Variants in ATP1A1 observed in about 807,000 individuals in gnomAD.
The protein encoded by ATP1A1 is sodium/potassium-transporting ATPase subunit alpha-1.
ATP1A1 carries 14 observed loss-of-function variants against 114.8 expected under a neutral mutation model. The ratio of observed to expected loss-of-function variants is 0.12; its 90% CI spans 0.08 to 0.19. ATP1A1 has a LOEUF of 0.19. ATP1A1 is among the 10% of genes least tolerant of loss of function. The pLI, the probability that ATP1A1 is intolerant of heterozygous loss-of-function variation, is 1.00. For missense variants in ATP1A1, 524 were observed against 1,290.7 expected, an observed-to-expected ratio of 0.41 and a Z score of 9.10; for synonymous variants, 471 against 466.3, an observed-to-expected ratio of 1.01 and a Z score of -0.13.
chr1:116,373,743 C>T, intron 1 of ATP1A1: 4 of 843,744 alleles, frequency 4.7e-6, no homozygotes, highest in South Asian at 3.7e-5. Flanking sequence ...GGGGCTGGAG[C>T]GCGGCATTGC....
At position 116,393,071 on chromosome 1, in the gene ATP1A1, T is replaced by C; in HGVS notation, c.1467+83T>C. The C allele has an allele frequency of 6.4e-7, 1 of 1,555,310 alleles. No individual in the cohort carries two copies. The highest frequency in any genetic ancestry group is 8.7e-7 in the Non-Finnish European group (1 of 1,148,980). On this transcript the variant is annotated intron_variant, in intron 11 of 22. Coordinates refer to ENST00000295598, the MANE Select transcript of ATP1A1 (RefSeq NM_000701.8). This position sits in a 1 kb window ranked among gnomAD's most constrained non-coding sequence, Gnocchi z 5.0. ...GGTACATGAGCAGGAAGAGGAAATA[T>C]TCTCCCTTTGGAGTTTTATAAGCTT...
At chr1:116,373,973 C>G in intron 1 of ATP1A1, 1 of 1,379,944 alleles carries the variant, frequency 7.2e-7, no homozygotes, top group East Asian at 2.8e-5. Flanking sequence ...CCCTCCGTGC[C>G]CTGAGGAAAG....
chr1:116,384,789 C>A lies in ATP1A1; in HGVS notation c.130C>A (p.His44Asn). Residue 44 changes from histidine to asparagine, a missense_variant, in exon 3 of 23, where the codon CAT becomes AAT. By Grantham distance (68) the His-to-Asn change is moderately conservative (BLOSUM62 1). Transcript: ENST00000295598. This position sits in a 1 kb window ranked among gnomAD's most constrained non-coding sequence, Gnocchi z 5.1. ...ELKKEVSMDD[H>N]KLSLDELHRK... ...TGTTTCTGTTTTCCCTTAGGATGATCATAAACTTAGCCTTGATGAACTTCA... is the reference window on the plus strand; with the variant it reads ...TGTTTCTGTTTTCCCTTAGGATGATAATAAACTTAGCCTTGATGAACTTCA... 1 of 1,612,644 alleles carries A rather than the reference C, an allele frequency of 6.2e-7. No homozygotes were observed. The highest frequency in any genetic ancestry group is 1.1e-5 in the South Asian group (1 of 90,652).
chr1:116,396,454 G>A, intron 13 of ATP1A1, 144 bp from the exon 14 acceptor site: 1 of 1,066,646 alleles, frequency 9.4e-7, no homozygotes, highest in Non-Finnish European at 1.3e-6. Context: ...GCTAATCGAT[G>A]TTTATTAGTT....
At chr1:116,380,750 G>A (rs1282981860) in intron 1 of ATP1A1, among the ~76,000 whole-genome samples, 3 of 152,152 alleles carry the variant, frequency 2.0e-5, no homozygotes, top group African/African-American at 7.2e-5. Context: ...ATCTTCTCAT[G>A]TCTTGGGCAC....
chr1:116,379,257 T>C (rs1315352497), intron 1 of ATP1A1, among the ~76,000 whole-genome samples: 2 of 152,210 alleles, frequency 1.3e-5, no homozygotes, highest in Non-Finnish European at 2.9e-5. Flanking sequence ...TATACTAAAC[T>C]GGGCTCACAA....
intron 1 of ATP1A1, 63 bp from the exon 2 acceptor site, chr1:116,383,951 G>C (rs1651905560): frequency 2.1e-6 from 3 of 1,398,380 alleles, no homozygotes; most frequent in Non-Finnish European, 3.0e-6. Flanking sequence ...CCCTGCTCCA[G>C]AATTTTCAGT....
chr1:116,396,824 T>C (rs1652969131), intron 14 of ATP1A1, 90 bp downstream of exon 14: 1 of 1,423,804 alleles, frequency 7.0e-7, no homozygotes, highest in African/African-American at 1.5e-5. Flanking sequence ...ATGGTTTGCA[T>C]CTAGGCTTGC....
chr1:116,404,143 TCA>T lies in ATP1A1; in HGVS notation c.3043+169_3043+170del, dbSNP rs1653777735. Among the ~76,000 whole-genome samples the T allele has an allele frequency of 6.6e-6, 1 of 152,240 alleles. No individual in the cohort carries two copies. The highest frequency in any genetic ancestry group is 1.9e-4 in the East Asian group (1 of 5,198). On this transcript the variant is annotated intron_variant, in intron 22 of 22. Transcript: ENST00000295598. This position sits in a 1 kb window ranked among gnomAD's most constrained non-coding sequence, Gnocchi z 4.8. ...TAGTCACATCTTCAGAATGTAGATC[TCA>T]GTTACAGTTTGAGGACTGGTCATGT...
At chr1:116,391,422 T>G (rs1652467122) in intron 10 of ATP1A1, among the ~76,000 whole-genome samples, 1 of 152,220 alleles carries the variant, frequency 6.6e-6, no homozygotes, top group Admixed American at 6.5e-5. Context: ...AAGCCCAGCC[T>G]TAGCCTGTGG....
Position 116,389,139 on chromosome 1 carries a change from C to A in ATP1A1, c.754+120C>A. On this transcript the variant is annotated intron_variant, in intron 7 of 22. Transcript: ENST00000295598. The surrounding 1 kb of genome is among the most constrained non-coding windows in gnomAD (Gnocchi z 6.9). The stretch of plus-strand genomic sequence containing the variant: ...TCCATTTCTGAGAACTTGTGTCAAG[C>A]ACAGAGCAGAGGTGTTTTCCTAGCT... 1 of 1,061,088 alleles carries A rather than the reference C, an allele frequency of 9.4e-7. No homozygotes were observed. The highest frequency in any genetic ancestry group is 1.4e-6 in the Non-Finnish European group (1 of 707,874). The allele number at this position is 1,061,088 out of a possible 1,614,324, so 65.7% of individuals were successfully genotyped here.
At chr1:116,375,104 T>C (rs1371161543) in intron 1 of ATP1A1, among the ~76,000 whole-genome samples, 1 of 152,170 alleles carries the variant, frequency 6.6e-6, no homozygotes, top group Non-Finnish European at 1.5e-5. Flanking sequence ...ACTTTAAAGC[T>C]CATTCTTTGT....
chr1:116,379,461 C>T (rs749035747), intron 1 of ATP1A1, among the ~76,000 whole-genome samples: 2 of 152,210 alleles, frequency 1.3e-5, no homozygotes, highest in Non-Finnish European at 2.9e-5. Flanking sequence ...TCCCTCAACC[C>T]CGGCCATCCC....
chr1:116,403,014 G>T (rs1653639395), intron 21 of ATP1A1, among the ~76,000 whole-genome samples: 1 of 152,198 alleles, frequency 6.6e-6, no homozygotes, highest in Non-Finnish European at 1.5e-5. Flanking sequence ...AGGTCACAGA[G>T]CTTTCCAAAA....
chr1:116,396,585 T>G lies in ATP1A1; in HGVS notation c.1837-13T>G, dbSNP rs2101057843. ...TGGCAGTTGCATTCAACACATTGTCTTGTTTATTACAGGTCATCATGGTCA... is the reference window on the plus strand; with the variant it reads ...TGGCAGTTGCATTCAACACATTGTCGTGTTTATTACAGGTCATCATGGTCA... On this transcript the variant is annotated splice_polypyrimidine_tract_variant and intron_variant, in intron 13 of 22. Transcript: ENST00000295598. The G allele has an allele frequency of 6.2e-7, 1 of 1,613,200 alleles. No homozygotes were observed. The highest frequency in any genetic ancestry group is 1.1e-5 in the South Asian group (1 of 90,990).
At position 116,388,729 on chromosome 1, in the gene ATP1A1, G is replaced by A; in HGVS notation, c.593G>A (p.Arg198Gln). ...CTGGTGGAAGTAAAAGGAGGAGACCGAATTCCTGCTGACCTCAGAATCATA... is the reference window on the plus strand; with the variant it reads ...CTGGTGGAAGTAAAAGGAGGAGACCAAATTCCTGCTGACCTCAGAATCATA... ...GDLVEVKGGD[R>Q]IPADLRIISA... The change falls in exon 6 of 23, where the codon CGA becomes CAA. Residue 198 changes from arginine (R) to glutamine (Q), a missense_variant. By Grantham distance (43) the Arg-to-Gln change is conservative. Around this residue, in one of 8 missense-constraint regions of ATP1A1, gnomAD observed 141 missense variants for 316.6 expected, o/e 0.45. Coordinates refer to ENST00000295598, the MANE Select transcript of ATP1A1 (RefSeq NM_000701.8). The surrounding 1 kb of genome is among the most constrained non-coding windows in gnomAD (Gnocchi z 5.6). The A allele has an allele frequency of 1.9e-6, 3 of 1,614,178 alleles. No homozygotes were observed. The highest frequency in any genetic ancestry group is 2.5e-6 in the Non-Finnish European group (3 of 1,180,036).
At position 116,399,572 on chromosome 1, in the gene ATP1A1, G is replaced by T. The variant is rs780098925; in HGVS notation, c.2572+29G>T. ...AGCTGCAGCCTGGAGTGGGAAGCTG[G>T]CACATCTAAGGCATCTGAGGTGATG... On this transcript the variant is annotated intron_variant, in intron 18 of 22. Coordinates refer to ENST00000295598, the MANE Select transcript of ATP1A1 (RefSeq NM_000701.8). The surrounding 1 kb of genome is among the most constrained non-coding windows in gnomAD (Gnocchi z 5.0). 6.2e-7 allele frequency: 1 copy of T among 1,613,096 alleles called. No homozygotes were observed. Among genetic ancestry groups the T allele is most frequent in the Non-Finnish European group, 8.5e-7 (1 of 1,179,530 alleles).
At chr1:116,382,462 G>A (rs190518304) in intron 1 of ATP1A1, 47 of 152,324 alleles carry the variant, frequency 3.1e-4, no homozygotes, top group African/African-American at 1.1e-3. Flanking sequence ...CCATAATGGA[G>A]AGAATGTCAA....
chr1:116,393,627 C>T lies in ATP1A1; in HGVS notation c.1564C>T (p.Leu522Phe), dbSNP rs1339242029. ...GATCCTAGACCGTTGCAGCTCTATCCTCCTCCACGGCAAGGAGCAGCCCCT... is the reference window on the plus strand; with the variant it reads ...GATCCTAGACCGTTGCAGCTCTATCTTCCTCCACGGCAAGGAGCAGCCCCT... ...ERILDRCSSI[L>F]LHGKEQPLDE... Residue 522 changes from leucine (L) to phenylalanine (F), a missense_variant, in exon 12 of 23, where the codon CTC becomes TTC. Transcript: ENST00000295598. The surrounding 1 kb of genome is among the most constrained non-coding windows in gnomAD (Gnocchi z 5.0). 2 of 1,614,188 alleles carry T rather than the reference C, an allele frequency of 1.2e-6. No homozygotes were observed. Among genetic ancestry groups the T allele is most frequent in the Non-Finnish European group, 1.7e-6 (2 of 1,180,026 alleles).
Sources: allele counts gnomAD v4.1 joint callset (sites outside exome capture counted in the v4.1 genomes callset), GRCh38; gene constraint gnomAD v4.1.1; regional missense constraint gnomAD v4.1.1; non-coding constraint Gnocchi (gnomAD v3.1); transcripts MANE v1.5; gene names NCBI Gene and HGNC (gene_info 2026-07-23, HGNC 2026-07-21).